The following NDUFS2 variants were observed in gnomAD, a reference collection of about 807,000 sequenced individuals.
The protein encoded by NDUFS2 is NADH:ubiquinone oxidoreductase core subunit S2, also known as NADH dehydrogenase [ubiquinone] iron-sulfur protein 2, mitochondrial.
NDUFS2 carries 38 observed loss-of-function variants against 69.6 expected under a neutral mutation model. That is an observed-to-expected ratio of 0.55 (90% CI 0.42 to 0.72). NDUFS2 has a LOEUF of 0.72. Ranked by LOEUF, NDUFS2 falls within the 30% of genes least tolerant of loss-of-function variation. The probability of loss-of-function intolerance (pLI) is 0.00; values close to 1 mark genes in which losing one functional copy is unlikely to be tolerated. For synonymous variants in NDUFS2, 194 were observed against 211.2 expected (o/e 0.92, Z 0.70); for missense variants, 468 against 595.0 (o/e 0.79, Z 2.22).
At chr1:161,200,619 A>G (rs1280719849), upstream of NDUFS2, among the ~76,000 whole-genome samples, 1 of 151,708 alleles carries the variant, frequency 6.6e-6, no homozygotes, top group Non-Finnish European at 1.5e-5. Flanking sequence ...CACTTCCTGG[A>G]TCACCCACCC....
At chr1:161,202,532 A>G (rs184799913) in intron 1 of NDUFS2, 52 bp downstream of exon 1, 64 of 1,520,072 alleles carry the variant, frequency 4.2e-5, no homozygotes, top group East Asian at 1.6e-4. Flanking sequence ...AGGGTTTCTC[A>G]GGTTGGGGAC....
upstream of NDUFS2, chr1:161,202,058 C>A: frequency 2.3e-6 from 1 of 441,634 alleles, no homozygotes; most frequent in South Asian, 2.1e-5. Context: ...AAGCGCCGCG[C>A]GTTTCCAAGA....
At chr1:161,198,657 AG>A, upstream of NDUFS2, 1 of 1,466,974 alleles carries the variant, frequency 6.8e-7, no homozygotes, top group Non-Finnish European at 9.0e-7. This position sits in a 1 kb window ranked among gnomAD's most constrained non-coding sequence, Gnocchi z 4.7. Context: ...GGAGGGACTG[AG>A]GCCGTCTAGG....
chr1:161,201,848 GC>G (rs1160800509), upstream of NDUFS2, among the ~76,000 whole-genome samples: 1 of 152,182 alleles, frequency 6.6e-6, no homozygotes, highest in Non-Finnish European at 1.5e-5. Flanking sequence ...GACCCGCCCA[GC>G]CCCACTTAGG....
At position 161,209,303 on chromosome 1, in the gene NDUFS2, G is replaced by C. The variant is rs1665642585; in HGVS notation, c.504G>C (p.Gln168His). 6.2e-7 allele frequency: 1 copy of C among 1,614,058 alleles called. No homozygotes were observed. The highest frequency in any genetic ancestry group is 8.5e-7 in the Non-Finnish European group (1 of 1,180,052). The change falls in exon 4 of 14, where the codon CAG (glutamine) becomes CAC (histidine). Residue 168 changes from glutamine (Q) to histidine (H), a missense_variant. Gln to His is a conservative substitution (Grantham distance 24). Around this residue, in one of 3 missense-constraint regions of NDUFS2, gnomAD observed 339 missense variants for 433.8 expected, o/e 0.78. Coordinates refer to ENST00000676972, the MANE Select transcript of NDUFS2 (RefSeq NM_001377299.1). ...ACATCCGGCCTCCTCCTCGGGCACA[G>C]TGGATCCGAGGTATGTCCCCCCAAC... ...LLNIRPPPRA[Q>H]WIRVLFGEIT...
upstream of NDUFS2, chr1:161,198,316 GACCTGCAC>G: frequency 6.2e-7 from 1 of 1,613,328 alleles, no homozygotes; most frequent in South Asian, 1.1e-5. The surrounding 1 kb of genome is among the most constrained non-coding windows in gnomAD (Gnocchi z 4.7). Context: ...TCAGCCCCTC[GACCTGCAC>G]ACCGGAGTCC....
chr1:161,198,095 GCCCCAGGT>G, upstream of NDUFS2: 1 of 1,613,502 alleles, frequency 6.2e-7, no homozygotes, highest in Non-Finnish European at 8.5e-7. The surrounding 1 kb of genome is among the most constrained non-coding windows in gnomAD (Gnocchi z 4.7). Flanking sequence ...TAGGATGTGA[GCCCCAGGT>G]CCCCCAGCAG....
chr1:161,202,283 A>G, upstream of NDUFS2: 3 of 1,173,748 alleles, frequency 2.6e-6, no homozygotes, highest in Admixed American at 5.9e-5. Context: ...GCCAGCTTCC[A>G]AGAGGGCGGC....
intron 5 of NDUFS2, 67 bp from the exon 6 acceptor site, chr1:161,209,790 G>A: frequency 6.5e-7 from 1 of 1,541,458 alleles, no homozygotes; most frequent in Non-Finnish European, 8.9e-7. Flanking sequence ...AGAAAGTGGG[G>A]GAGTAGGCCA....
chr1:161,200,010 C>G (rs1431180729), upstream of NDUFS2, among the ~76,000 whole-genome samples: 1 of 152,010 alleles, frequency 6.6e-6, no homozygotes, highest in Non-Finnish European at 1.5e-5. Context: ...GTCAGCCAGC[C>G]CCCAGCATAG....
chr1:161,212,093 T>C (rs1425435306), intron 9 of NDUFS2, among the ~76,000 whole-genome samples: 1 of 151,542 alleles, frequency 6.6e-6, no homozygotes, highest in Non-Finnish European at 1.5e-5. Flanking sequence ...TAATCCAAGC[T>C]ACTTTGGAGA....
chr1:161,197,613 GA>G (rs1399336138), upstream of NDUFS2: 1 of 207,730 alleles, frequency 4.8e-6, no homozygotes, highest in Non-Finnish European at 9.5e-6. Context: ...CTATAGCTGG[GA>G]GTGGGGGATG....
At position 161,209,533 on chromosome 1, in the gene NDUFS2, A is replaced by C; in HGVS notation, c.565A>C (p.Thr189Pro). 2 of 1,613,692 alleles carry C rather than the reference A, an allele frequency of 1.2e-6. No individual in the cohort carries two copies. Among genetic ancestry groups the C allele is most frequent in the Non-Finnish European group, 1.7e-6 (2 of 1,180,004 alleles). Residue 189 changes from threonine to proline, a missense_variant, in exon 5 of 14, where the codon ACA becomes CCA. This residue lies in a region of NDUFS2 where 339 missense variants were observed against 433.8 expected (regional missense o/e 0.78). Coordinates refer to ENST00000676972, the MANE Select transcript of NDUFS2 (RefSeq NM_001377299.1). ...RLLNHIMAVT[T>P]HALDLGAMTP... is the part of the protein sequence containing the mutation. ...GTTGAACCACATCATGGCTGTGACC[A>C]CACATGCCCTGGACCTTGGGGCCAT... is the stretch of plus-strand genomic sequence containing the variant.
In NDUFS2 at chr1:161,209,901, T is replaced by C; in HGVS notation, c.672T>C (p.Ala224=). ...GAGTGTCTGGAGCCCGAATGCATGC[T>C]GCTTATATCCGGCCAGGAGGAGTGC... ...YERVSGARMH[A]AYIRPGGVHQ... The change falls in exon 6 of 14, where the codon GCT becomes GCC. Residue 224 remains alanine (A), a synonymous_variant. Coordinates refer to ENST00000676972, the MANE Select transcript of NDUFS2 (RefSeq NM_001377299.1). The C allele has an allele frequency of 6.2e-7, 1 of 1,614,124 alleles. No homozygotes were observed. Among genetic ancestry groups the C allele is most frequent in the Non-Finnish European group, 8.5e-7 (1 of 1,180,024 alleles).
At chr1:161,202,312 G>C, upstream of NDUFS2, 1 of 1,461,316 alleles carries the variant, frequency 6.8e-7, no homozygotes, top group Non-Finnish European at 9.4e-7. Context: ...GCGAATAGGT[G>C]AGAAGCCAAG....
At position 161,214,382 on chromosome 1, in the gene NDUFS2, C is replaced by G; in HGVS notation, c.*189C>G. 6.2e-6 allele frequency: 4 copies of G among 644,822 alleles called. No individual in the cohort carries two copies. The highest frequency in any genetic ancestry group is 1.1e-5 in the Non-Finnish European group (4 of 366,396). 39.9% of individuals were successfully genotyped at this position (644,822 alleles called of 1,614,324 possible). A position where few individuals can be genotyped will look rare whatever the true frequency, so the allele number is the denominator to read the frequency against. On this transcript the variant is annotated 3_prime_UTR_variant, in exon 14 of 14. Coordinates refer to ENST00000676972, the MANE Select transcript of NDUFS2 (RefSeq NM_001377299.1). ...TTATAATAAATTAGCCGTCTTGCGG[C>G]CCCTAGGCCTAAACTTCTGGTATCT...
intron 2 of NDUFS2, among the ~76,000 whole-genome samples, chr1:161,205,267 T>C (rs1311557886): frequency 6.6e-6 from 1 of 152,138 alleles, no homozygotes; most frequent in Non-Finnish European, 1.5e-5. Context: ...TAAGTGTTCA[T>C]TGTTATTAAT....
chr1:161,213,542 A>G (rs1446346348), intron 11 of NDUFS2, 67 bp downstream of exon 11: 2 of 1,528,494 alleles, frequency 1.3e-6, no homozygotes, highest in Admixed American at 1.7e-5. Context: ...TGTTTAACAA[A>G]TAGCTCATTC....
In NDUFS2 at chr1:161,210,180, T is replaced by C. The variant is rs1306703184; in HGVS notation, c.772T>C (p.Leu258=). 1 of 1,613,734 alleles carries C rather than the reference T, an allele frequency of 6.2e-7. No individual in the cohort carries two copies. The highest frequency in any genetic ancestry group is 8.5e-7 in the Non-Finnish European group (1 of 1,179,924). ...GAACTTCTCTCTTCGGCTTGATGAG[T>C]TGGAGGAGGTAAGCTAGGAGTCAAT... ...SKNFSLRLDE[L]EELLTNNRIW... Residue 258 remains leucine (L), a synonymous_variant, in exon 7 of 14, where the codon TTG becomes CTG. Transcript: ENST00000676972.
Sources: gnomAD v4.1 joint callset for allele counts (sites outside exome capture counted in the v4.1 genomes callset) on GRCh38, gnomAD v4.1.1 for gene constraint, gnomAD v4.1.1 regional missense constraint, Gnocchi (gnomAD v3.1) non-coding constraint, MANE v1.5 for transcripts, NCBI Gene and HGNC (gene_info 2026-07-23, HGNC 2026-07-21) for gene names.